RFPL1: variants seen among roughly 807,000 people sequenced by gnomAD.
RFPL1 encodes ret finger protein like 1, also known as ret finger protein-like 1.
Under a neutral mutation model 9.6 loss-of-function variants are expected in RFPL1, and 6 were observed. The ratio of observed to expected loss-of-function variants is 0.62; its 90% CI spans 0.34 to 1.23. The LOEUF (loss-of-function observed/expected upper bound fraction) is 1.23, where lower values mean the gene tolerates loss of function less well. Ranked by LOEUF, RFPL1 falls within the 50% of genes most tolerant of loss-of-function variation. RFPL1 has a pLI of 0.03. For missense variants in RFPL1, 352 were observed against 398.4 expected (o/e 0.88, Z 0.99); for synonymous variants, 145 against 149.4 (o/e 0.97, Z 0.22).
the RFPL1 span, among the ~76,000 whole-genome samples, chr22:29,390,665 G>A: frequency 6.6e-6 from 1 of 151,296 alleles, no homozygotes; most frequent in Non-Finnish European, 1.5e-5. Context: ...GCTCGATCTC[G>A]GCTCACTGCA....
At chr22:29,428,908 C>G in the RFPL1 span, among the ~76,000 whole-genome samples, 2 of 152,088 alleles carry the variant, frequency 1.3e-5, no homozygotes, top group Non-Finnish European at 2.9e-5. Context: ...TTCAAATAAA[C>G]AAGCTAACAA....
At chr22:29,441,196 T>G (rs2062837024) in intron 1 of RFPL1, 2 of 287,496 alleles carry the variant, frequency 7.0e-6, no homozygotes, top group Non-Finnish European at 6.5e-6. Flanking sequence ...ACCATTTGCA[T>G]TGTCTTAATT....
At chr22:29,400,527 CAT>C in the RFPL1 span, among the ~76,000 whole-genome samples, 2 of 152,166 alleles carry the variant, frequency 1.3e-5, no homozygotes, top group African/African-American at 4.8e-5. Flanking sequence ...TCTTGGGCAT[CAT>C]GTGTTATTAA....
chr22:29,418,038 T>C, the RFPL1 span, among the ~76,000 whole-genome samples: 7 of 151,454 alleles, frequency 4.6e-5, no homozygotes, highest in African/African-American at 1.7e-4. Flanking sequence ...TTCCAGCAAT[T>C]CTCTGTCTCA....
At chr22:29,423,377 A>C in the RFPL1 span, among the ~76,000 whole-genome samples, 1 of 146,890 alleles carries the variant, frequency 6.8e-6, no homozygotes, top group Non-Finnish European at 1.5e-5. Flanking sequence ...TGAGGAATCT[A>C]TCAACTTTTT....
the RFPL1 span, among the ~76,000 whole-genome samples, chr22:29,416,470 T>C: frequency 2.0e-5 from 3 of 152,304 alleles, no homozygotes; most frequent in East Asian, 3.9e-4. Context: ...AAGATGCAAC[T>C]GAAACTCACT....
At chr22:29,436,731 A>C (rs1039152760), upstream of RFPL1, 2 of 152,230 alleles carry the variant, frequency 1.3e-5, no homozygotes, top group Non-Finnish European at 2.9e-5. Context: ...GTCAACTGAA[A>C]GTAAAGAGGA....
the RFPL1 span, among the ~76,000 whole-genome samples, chr22:29,428,282 A>G: frequency 2.0e-5 from 3 of 152,248 alleles, no homozygotes; most frequent in Non-Finnish European, 2.9e-5. Context: ...GTCATTATAT[A>G]ATGATGAAGA....
chr22:29,400,863 GGTATTAGGTATAAA>G, the RFPL1 span, among the ~76,000 whole-genome samples: 5 of 152,154 alleles, frequency 3.3e-5, no homozygotes, highest in Non-Finnish European at 4.4e-5. Flanking sequence ...TGTTGATTGG[GGTATTAGGTATAAA>G]GTACCTACTG....
the RFPL1 span, among the ~76,000 whole-genome samples, chr22:29,410,259 GAT>G: frequency 1.6e-5 from 2 of 122,822 alleles, no homozygotes; most frequent in African/African-American, 3.1e-5. Flanking sequence ...TATATTTGTA[GAT>G]ATATATATCT....
chr22:29,408,421 G>A, the RFPL1 span, among the ~76,000 whole-genome samples: 1 of 152,158 alleles, frequency 6.6e-6, no homozygotes, highest in Non-Finnish European at 1.5e-5. Flanking sequence ...CCACACTCCA[G>A]ACCCAGTCCA....
the RFPL1 span, among the ~76,000 whole-genome samples, chr22:29,415,231 CTAGG>C: frequency 1.3e-5 from 2 of 151,636 alleles, no homozygotes; most frequent in Non-Finnish European, 1.5e-5. Flanking sequence ...GCCCGTTTGC[CTAGG>C]AATTCAAACC....
At chr22:29,412,233 C>T in the RFPL1 span, among the ~76,000 whole-genome samples, 2 of 152,180 alleles carry the variant, frequency 1.3e-5, no homozygotes, top group Non-Finnish European at 2.9e-5. Flanking sequence ...CAGACCTGAT[C>T]TTCCTGGGTC....
At chr22:29,442,099 G>C (rs61734571) in exon 2 of RFPL1, 2 of 1,582,460 alleles carry the variant, frequency 1.3e-6, no homozygotes, top group East Asian at 4.5e-5. Context: ...TGATGCTCCA[G>C]TCCATCCTGG....
intron 1 of RFPL1, chr22:29,440,558 G>C (rs1203909212): frequency 6.6e-6 from 1 of 151,934 alleles, no homozygotes; most frequent in Non-Finnish European, 1.5e-5. Context: ...AGTCAGTTAT[G>C]ACGAACAACT....
At chr22:29,410,739 A>T in the RFPL1 span, among the ~76,000 whole-genome samples, 1 of 149,958 alleles carries the variant, frequency 6.7e-6, no homozygotes, top group African/African-American at 2.5e-5. Flanking sequence ...TGAACCCATC[A>T]GCTCCCAGGT....
chr22:29,420,265 T>C, the RFPL1 span, among the ~76,000 whole-genome samples: 42 of 152,332 alleles, frequency 2.8e-4, no homozygotes, highest in African/African-American at 8.4e-4. Flanking sequence ...GGTTGTCTGG[T>C]CCTGCCATGG....
chr22:29,402,478 A>G, the RFPL1 span, among the ~76,000 whole-genome samples: 1 of 152,216 alleles, frequency 6.6e-6, no homozygotes, highest in African/African-American at 2.4e-5. Context: ...GGGAAGGATG[A>G]GTTCAGTCCC....
the RFPL1 span, among the ~76,000 whole-genome samples, chr22:29,396,897 CTTTTTTTTTTTTTTTT>C: frequency 6.1e-4 from 44 of 72,582 alleles, no homozygotes; most frequent in Admixed American, 1.5e-3. Flanking sequence ...CCTGAAACTT[CTTTTTTTTTTTTTTTT>C]TTTTTTTTTT....
Sources: gnomAD v4.1 joint callset for allele counts (sites outside exome capture counted in the v4.1 genomes callset) on GRCh38, gnomAD v4.1.1 for gene constraint, MANE v1.5 for transcripts, NCBI Gene and HGNC (gene_info 2026-07-23, HGNC 2026-07-21) for gene names.